The following ACP6 variants were observed in gnomAD, a reference collection of about 807,000 sequenced individuals.
ACP6 encodes lysophosphatidic acid phosphatase type 6.
Under a neutral mutation model 48.1 loss-of-function variants are expected in ACP6, and 48 were observed. The ratio of observed to expected loss-of-function variants is 1.00; its 90% confidence interval spans 0.79 to 1.27. ACP6 has a LOEUF of 1.27. ACP6 is among the 50% of genes most tolerant of loss of function. The pLI is 0.00. For synonymous variants in ACP6, 172 were observed against 204.2 expected (o/e 0.84, Z 1.34); for missense variants, 485 against 529.1 (o/e 0.92, Z 0.82).
intron 4 of ACP6, among the ~76,000 whole-genome samples, chr1:147,658,722 C>A (rs142538288): frequency 4.6e-5 from 7 of 152,186 alleles, no homozygotes; most frequent in African/African-American, 9.6e-5. Flanking sequence ...AGGGGAGAAG[C>A]CAGGAGCCAG....
At position 147,643,367 on chromosome 1, in the gene ACP6, C is replaced by G. The variant is rs587749708; in HGVS notation, c.*4056G>C. On this transcript the variant is annotated 3_prime_UTR_variant, in exon 10 of 10. Transcript: ENST00000583509. ...TAGCATCAAGTGAGGACTTACTGTA[C>G]TAGGGGTTAAGATGTCAACATATGG... 100 of 152,218 alleles carry G rather than the reference C, an allele frequency of 6.6e-4. No homozygotes were observed. The highest frequency in any genetic ancestry group is 2.3e-3 in the African/African-American group (96 of 41,512). 9.4% of individuals were successfully genotyped at this position (152,218 alleles called of 1,614,324 possible).
chr1:147,633,403 G>T lies in ACP6; in HGVS notation c.461-2338C>A, dbSNP rs183784045. Among the ~76,000 whole-genome samples, 7 of 152,156 alleles carry T rather than the reference G, an allele frequency of 4.6e-5. No homozygotes were observed. In the East Asian group the frequency reaches 1.4e-3, roughly 29 times the overall value. On this transcript the variant is annotated intron_variant, in intron 5 of 5. Coordinates refer to the ACP6 transcript ENST00000609196. ...ACAGTTTACACATACCTTGAAAGAAGAAATAAAGTGTTTGGTGCCCCAGTA... is the reference window on the plus strand; with the variant it reads ...ACAGTTTACACATACCTTGAAAGAATAAATAAAGTGTTTGGTGCCCCAGTA...
At chr1:147,662,898 G>T (rs587717641) in intron 1 of ACP6, among the ~76,000 whole-genome samples, 16 of 152,256 alleles carry the variant, frequency 1.1e-4, no homozygotes, top group African/African-American at 3.8e-4. Context: ...CTTATTTTTA[G>T]AAATTGCCAC....
intron 6 of ACP6, among the ~76,000 whole-genome samples, chr1:147,653,531 C>T (rs781988130): frequency 2.6e-5 from 4 of 151,996 alleles, no homozygotes; most frequent in African/African-American, 7.2e-5. Context: ...CTAAAAAATA[C>T]GCCATACAAA....
At chr1:147,658,715 G>A (rs782058756) in intron 4 of ACP6, among the ~76,000 whole-genome samples, 3 of 152,118 alleles carry the variant, frequency 2.0e-5, no homozygotes, top group Non-Finnish European at 2.9e-5. Context: ...AAGCTTGAGG[G>A]GAGAAGCCAG....
chr1:147,654,153 A>T (rs1343405760), intron 6 of ACP6, 41 bp downstream of exon 6: 3 of 1,604,970 alleles, frequency 1.9e-6, no homozygotes, highest in Non-Finnish European at 2.5e-6. Context: ...GAGCCAGCCC[A>T]CCAAGGCTAT....
downstream of ACP6, among the ~76,000 whole-genome samples, chr1:147,637,686 C>A (rs1553208223): frequency 6.6e-6 from 1 of 152,202 alleles, no homozygotes; most frequent in Non-Finnish European, 1.5e-5. Context: ...AAATCCCTCA[C>A]TAAAACCCCT....
chr1:147,650,636 G>A (rs1659872690), intron 7 of ACP6: 1 of 165,054 alleles, frequency 6.1e-6, no homozygotes. Flanking sequence ...ATAATCAGAA[G>A]GAACAAGAAC....
intron 5 of ACP6, among the ~76,000 whole-genome samples, chr1:147,636,415 C>T (rs1268833453): frequency 1.3e-5 from 2 of 152,018 alleles, no homozygotes; most frequent in African/African-American, 2.4e-5. Flanking sequence ...GCACAGGTAG[C>T]GGTAAGCTTT....
intron 1 of ACP6, among the ~76,000 whole-genome samples, chr1:147,667,883 G>A (rs1268126143): frequency 2.0e-5 from 3 of 151,998 alleles, no homozygotes; most frequent in African/African-American, 7.3e-5. Context: ...TCAGCTACTC[G>A]GGAGGCTGAG....
At position 147,648,108 on chromosome 1, in the gene ACP6, C is replaced by T. The variant is rs192579981; in HGVS notation, c.1143+138G>A. 32 of 976,714 alleles carry T rather than the reference C, an allele frequency of 3.3e-5. No homozygotes were observed. In the Middle Eastern group the frequency reaches 1.0e-3, roughly 30 times the overall value. 60.5% of individuals were successfully genotyped at this position (976,714 alleles called of 1,614,324 possible). On this transcript the variant is annotated intron_variant, in intron 9 of 9. Transcript: ENST00000583509. Reference sequence around the variant, plus strand: ...ACCCCTGGGCCATAGCCAGGAGTTGCCCTATAGGATTCAGAGAGCTGACTG... The same window carrying T: ...ACCCCTGGGCCATAGCCAGGAGTTGTCCTATAGGATTCAGAGAGCTGACTG...
At chr1:147,632,593 G>C (rs1659199921) in intron 5 of ACP6, among the ~76,000 whole-genome samples, 1 of 152,040 alleles carries the variant, frequency 6.6e-6, no homozygotes, top group South Asian at 2.1e-4. Context: ...AAACAAAATT[G>C]ATCATGTGCA....
intron 1 of ACP6, 122 bp from the exon 2 acceptor site, chr1:147,659,897 T>TATGGGATGGA (rs782553979): frequency 5.0e-6 from 6 of 1,189,874 alleles, no homozygotes; most frequent in Non-Finnish European, 6.9e-6. Flanking sequence ...GCAACCTTCC[T>TATGGGATGGA]ATGGGATGGA....
rs1374356891 is a variant in ACP6, at chr1:147,642,936, G to A, written c.*4487C>T. ...AACAACAGAAATTTATTTCCTCACA[G>A]TGCTAGAGGCTAGAAGTCCAAGATC... On this transcript the variant is annotated 3_prime_UTR_variant, in exon 10 of 10. Coordinates refer to ENST00000583509, the MANE Select transcript of ACP6 (RefSeq NM_016361.5). The A allele has an allele frequency of 6.6e-6, 1 of 152,208 alleles. No homozygotes were observed. Among genetic ancestry groups the A allele is most frequent in the Non-Finnish European group, 1.5e-5 (1 of 68,056 alleles). The allele number at this position is 152,208 out of a possible 1,614,324, so 9.4% of individuals were successfully genotyped here.
At chr1:147,667,713 C>T (rs782616840) in intron 1 of ACP6, among the ~76,000 whole-genome samples, 6 of 152,078 alleles carry the variant, frequency 3.9e-5, no homozygotes, top group Non-Finnish European at 8.8e-5. Flanking sequence ...CCAATAACGG[C>T]CGGGTGCTGG....
intron 1 of ACP6, among the ~76,000 whole-genome samples, chr1:147,661,315 A>AT (rs34221504): frequency 0.55 from 81,434 of 148,926 alleles, 23,454 homozygotes; most frequent in African/African-American, 0.75. Flanking sequence ...TGCCCAGCTA[A>AT]TTTTTTTTTT....
intron 3 of ACP6, 130 bp from the exon 4 acceptor site, chr1:147,659,169 C>T: frequency 1.8e-6 from 2 of 1,087,652 alleles, no homozygotes; most frequent in Non-Finnish European, 2.6e-6. Flanking sequence ...AGGAAGAATG[C>T]TTCACTTTTC....
chr1:147,667,904 T>A (rs1660881443), intron 1 of ACP6, among the ~76,000 whole-genome samples: 1 of 151,848 alleles, frequency 6.6e-6, no homozygotes, highest in Non-Finnish European at 1.5e-5. Context: ...GCAAGAGAAT[T>A]GCTTAAACCC....
At chr1:147,641,734 T>C (rs1479856434), downstream of ACP6, among the ~76,000 whole-genome samples, 1 of 152,196 alleles carries the variant, frequency 6.6e-6, no homozygotes, top group Non-Finnish European at 1.5e-5. Flanking sequence ...CCCCGCTTTA[T>C]AGTTGGGAAA....
Sources: gnomAD v4.1 joint callset for allele counts (sites outside exome capture counted in the v4.1 genomes callset) on GRCh38, gnomAD v4.1.1 for gene constraint, MANE v1.5 for transcripts, NCBI Gene and HGNC (gene_info 2026-07-23, HGNC 2026-07-21) for gene names.